Variants in LRRC72 observed in about 807,000 individuals in gnomAD.
LRRC72 encodes leucine rich repeat containing 72.
LRRC72 carries 41 observed loss-of-function variants against 35.8 expected under a neutral mutation model. The ratio of observed to expected loss-of-function variants is 1.15; its 90% CI spans 0.89 to 1.49. The LOEUF is 1.49. Among genes scored for constraint, LRRC72 ranks in the 40% most tolerant of loss-of-function variants. LRRC72 has a pLI of 0.00. For missense variants in LRRC72, 389 were observed against 330.7 expected, an observed-to-expected ratio of 1.18 and a Z score of -1.37; for synonymous variants, 118 against 119.2, an observed-to-expected ratio of 0.99 and a Z score of 0.07.
chr7:16,562,357 G>GA (rs939461331), intron 5 of LRRC72, among the ~76,000 whole-genome samples: 2 of 151,992 alleles, frequency 1.3e-5, no homozygotes, highest in African/African-American at 4.8e-5. Flanking sequence ...AGTACTAAGG[G>GA]AAAAAAACCA....
chr7:16,535,965 T>C (rs1782250165), intron 2 of LRRC72, among the ~76,000 whole-genome samples: 1 of 152,198 alleles, frequency 6.6e-6, no homozygotes, highest in Non-Finnish European at 1.5e-5. Flanking sequence ...CTCTGTCTCC[T>C]GGGTTCAAGT....
chr7:16,531,915 G>A (rs1524360), intron 1 of LRRC72, among the ~76,000 whole-genome samples: 69,970 of 151,670 alleles, frequency 0.46, 16,212 homozygotes, highest in East Asian at 0.61. Flanking sequence ...CATGAGAAAC[G>A]AAGTCACTGC....
intron 3 of LRRC72, among the ~76,000 whole-genome samples, chr7:16,541,768 T>C (rs1195654858): frequency 6.6e-6 from 1 of 152,130 alleles, no homozygotes; most frequent in Non-Finnish European, 1.5e-5. Flanking sequence ...AAAAATTAGC[T>C]GGTTGTGGTG....
intron 5 of LRRC72, among the ~76,000 whole-genome samples, chr7:16,562,867 C>G (rs1441253552): frequency 6.6e-6 from 1 of 152,240 alleles, no homozygotes. Context: ...GATCCCTCCT[C>G]TCTCGATCCT....
chr7:16,537,608 A>ATTT lies in LRRC72; in HGVS notation c.165-11_165-9dup. ...TGAACTAATTGTTGCTAATGTTCAC[A>ATTT]TTTTTTTTTTCTTTCCAGGGAACTG... On this transcript the variant is annotated intron_variant, in intron 2 of 8. Coordinates refer to ENST00000401542, the MANE Select transcript of LRRC72 (RefSeq NM_001195280.2). 2 of 1,316,018 alleles carry ATTT rather than the reference A, an allele frequency of 1.5e-6. No homozygotes were observed. The highest frequency in any genetic ancestry group is 2.8e-5 in the East Asian group (1 of 35,508). The allele number at this position is 1,316,018 out of a possible 1,614,324, so 81.5% of individuals were successfully genotyped here.
chr7:16,568,201 T>A (rs1782883474), intron 7 of LRRC72, among the ~76,000 whole-genome samples: 1 of 152,212 alleles, frequency 6.6e-6, no homozygotes. Context: ...ATCTGTCTTT[T>A]GTTCTGCTAC....
intron 7 of LRRC72, among the ~76,000 whole-genome samples, chr7:16,579,297 C>G (rs945108797): frequency 1.3e-5 from 2 of 152,052 alleles, no homozygotes; most frequent in African/African-American, 4.8e-5. Flanking sequence ...AAAGAAAGAG[C>G]CTAGGATGAT....
chr7:16,567,015 T>C (rs1462900191), intron 6 of LRRC72, among the ~76,000 whole-genome samples: 2 of 152,156 alleles, frequency 1.3e-5, no homozygotes, highest in African/African-American at 2.4e-5. Flanking sequence ...ACATTCTTAA[T>C]AGTTTATTAC....
At chr7:16,575,501 G>C (rs1783025058) in intron 7 of LRRC72, among the ~76,000 whole-genome samples, 1 of 152,166 alleles carries the variant, frequency 6.6e-6, no homozygotes, top group African/African-American at 2.4e-5. Context: ...ACTCCCTTGG[G>C]TTTGAATACC....
At position 16,559,071 on chromosome 7, in the gene LRRC72, G is replaced by C. The variant is rs558761189; in HGVS notation, c.427+72G>C. On this transcript the variant is annotated intron_variant, in intron 5 of 8. Transcript: ENST00000401542. ...CATAAGACATTTTTCCATTTATCAA[G>C]TTTAAAATTAGAGAGGCAATGTTTA... 883 of 945,066 alleles carry C rather than the reference G, an allele frequency of 9.3e-4. 7 individuals are homozygous for C. Among genetic ancestry groups the C allele is most frequent in the Non-Finnish European group, 3.9e-4 (248 of 634,026 alleles). 58.5% of individuals were successfully genotyped at this position (945,066 alleles called of 1,614,324 possible).
At chr7:16,569,987 G>A (rs544404393) in intron 7 of LRRC72, among the ~76,000 whole-genome samples, 27 of 151,440 alleles carry the variant, frequency 1.8e-4, no homozygotes, top group Admixed American at 5.9e-4. Flanking sequence ...CCGAGATCAC[G>A]CCATTGCACT....
chr7:16,564,954 C>G (rs530271044), intron 5 of LRRC72, among the ~76,000 whole-genome samples: 6 of 152,210 alleles, frequency 3.9e-5, no homozygotes, highest in African/African-American at 1.4e-4. Context: ...CTTTATCAAA[C>G]CTGTATTTTA....
At chr7:16,561,417 C>T (rs887614254) in intron 5 of LRRC72, among the ~76,000 whole-genome samples, 4 of 152,146 alleles carry the variant, frequency 2.6e-5, no homozygotes, top group Non-Finnish European at 4.4e-5. Context: ...AACAAAGGTG[C>T]CCAGCCCAGG....
At chr7:16,576,590 ATTGCATGATAGCC>A (rs1462099972) in intron 7 of LRRC72, among the ~76,000 whole-genome samples, 4 of 152,118 alleles carry the variant, frequency 2.6e-5, no homozygotes, top group Non-Finnish European at 5.9e-5. Context: ...TCTGGGTTTT[ATTGCATGATAGCC>A]AATATTCTCA....
intron 7 of LRRC72, among the ~76,000 whole-genome samples, chr7:16,578,821 A>T (rs538537): frequency 0.25 from 38,053 of 152,088 alleles, 4,964 homozygotes; most frequent in South Asian, 0.39. Context: ...GACAATATGG[A>T]TGACACTGGA....
intron 1 of LRRC72, among the ~76,000 whole-genome samples, chr7:16,528,280 G>T (rs2128333876): frequency 6.6e-6 from 1 of 151,726 alleles, no homozygotes; most frequent in South Asian, 2.1e-4. Flanking sequence ...ATCTTCCTTG[G>T]ATCCCACTCT....
rs958668548 is a variant in LRRC72, at chr7:16,581,422, G to C, written c.797G>C (p.Arg266Pro). ...TSMNWDTVPT[R>P]EERYLEEEGT... ...ATGAACTGGGACACAGTTCCAACAC[G>C]AGAGGAAAGGTACCTTGAAGAGGAA... Residue 266 changes from arginine (R) to proline (P), a missense_variant, in exon 9 of 9, where the codon CGA becomes CCA. Arg to Pro is a moderately radical substitution (Grantham distance 103). Coordinates refer to ENST00000401542, the MANE Select transcript of LRRC72 (RefSeq NM_001195280.2). 6.4e-7 allele frequency: 1 copy of C among 1,550,396 alleles called. No homozygotes were observed.
intron 7 of LRRC72, among the ~76,000 whole-genome samples, chr7:16,579,199 G>A (rs1015425035): frequency 3.9e-5 from 6 of 152,120 alleles, no homozygotes; most frequent in South Asian, 2.1e-4. Context: ...CAATGAATAC[G>A]TATATTAAAA....
chr7:16,539,983 A>C (rs1305555922), intron 3 of LRRC72, among the ~76,000 whole-genome samples: 1 of 152,204 alleles, frequency 6.6e-6, no homozygotes, highest in East Asian at 1.9e-4. Flanking sequence ...GCCCCCACAC[A>C]GAGTCCCCAC....
Sources: allele counts gnomAD v4.1 joint callset (sites outside exome capture counted in the v4.1 genomes callset), GRCh38; gene constraint gnomAD v4.1.1; transcripts MANE v1.5; gene names NCBI Gene and HGNC (gene_info 2026-07-23, HGNC 2026-07-21).